The following PPM1L variants were observed in gnomAD, a reference collection of about 807,000 sequenced individuals.
PPM1L encodes the protein protein phosphatase, Mg2+/Mn2+ dependent 1L.
Under a neutral mutation model 31.4 loss-of-function variants are expected in PPM1L, and 13 were observed. The ratio of observed to expected loss-of-function variants is 0.41; its 90% CI spans 0.27 to 0.66. The LOEUF (loss-of-function observed/expected upper bound fraction) is 0.66. Ranked by LOEUF, PPM1L falls within the 30% of genes least tolerant of loss-of-function variation. PPM1L has a pLI of 0.29. For missense variants in PPM1L, 326 were observed against 453.7 expected (o/e 0.72, Z 2.56); for synonymous variants, 184 against 175.4 (o/e 1.05, Z -0.39).
intron 1 of PPM1L, among the ~76,000 whole-genome samples, chr3:160,807,450 C>T (rs968884857): frequency 1.3e-5 from 2 of 152,188 alleles, no homozygotes; most frequent in African/African-American, 2.4e-5. Flanking sequence ...ATTTTTCAGG[C>T]GCCCTACAAA....
chr3:160,855,878 A>G (rs1204824205), intron 1 of PPM1L, among the ~76,000 whole-genome samples: 1 of 152,100 alleles, frequency 6.6e-6, no homozygotes, highest in Non-Finnish European at 1.5e-5. Context: ...AGGGTTCTCT[A>G]GAGGGACAGA....
intron 2 of PPM1L, among the ~76,000 whole-genome samples, chr3:160,989,347 A>G (rs1351730903): frequency 6.6e-6 from 1 of 151,950 alleles, no homozygotes; most frequent in Non-Finnish European, 1.5e-5. Context: ...TACAGAACCA[A>G]CCAGCACTTT....
chr3:160,846,576 T>G (rs1472754800), intron 1 of PPM1L, among the ~76,000 whole-genome samples: 1 of 152,148 alleles, frequency 6.6e-6, no homozygotes, highest in East Asian at 1.9e-4. Context: ...AGTACAACAG[T>G]GTCCTGTTAT....
intron 1 of PPM1L, among the ~76,000 whole-genome samples, chr3:160,888,488 A>G (rs1051922357): frequency 7.2e-5 from 11 of 152,248 alleles, no homozygotes; most frequent in South Asian, 4.1e-4. Context: ...TAACTATCCA[A>G]ATCATATATG....
intron 1 of PPM1L, among the ~76,000 whole-genome samples, chr3:160,860,214 A>G (rs1304355874): frequency 6.6e-6 from 1 of 152,208 alleles, no homozygotes; most frequent in Non-Finnish European, 1.5e-5. Flanking sequence ...AGCAAGTTTT[A>G]GTCACCACGT....
chr3:160,932,662 A>G (rs1375094071), intron 1 of PPM1L, among the ~76,000 whole-genome samples: 1 of 152,192 alleles, frequency 6.6e-6, no homozygotes, highest in Non-Finnish European at 1.5e-5. Flanking sequence ...ATTTTCCCCA[A>G]GTTCATTTAT....
At chr3:160,997,571 T>C (rs1003008100) in intron 2 of PPM1L, among the ~76,000 whole-genome samples, 2 of 152,192 alleles carry the variant, frequency 1.3e-5, no homozygotes, top group African/African-American at 4.8e-5. Flanking sequence ...ATTTTGGCAG[T>C]TCCAAGAAGT....
intron 2 of PPM1L, among the ~76,000 whole-genome samples, chr3:160,970,863 C>T (rs1716315229): frequency 7.1e-6 from 1 of 140,430 alleles, no homozygotes; most frequent in Admixed American, 7.5e-5. Flanking sequence ...AATCTCGGCT[C>T]ACTGCAGGCT....
intron 1 of PPM1L, among the ~76,000 whole-genome samples, chr3:160,824,171 T>A (rs1209361308): frequency 6.6e-6 from 1 of 152,062 alleles, no homozygotes; most frequent in African/African-American, 2.4e-5. Context: ...ATGGGATTAG[T>A]GTGCCCTTCC....
chr3:160,985,340 A>G (rs373099334), intron 2 of PPM1L, among the ~76,000 whole-genome samples: 14 of 152,192 alleles, frequency 9.2e-5, no homozygotes, highest in African/African-American at 3.4e-4. Flanking sequence ...ACTTTAGAGC[A>G]AAATTTTAAA....
chr3:160,791,649 G>A (rs1286026211), intron 1 of PPM1L, among the ~76,000 whole-genome samples: 1 of 152,154 alleles, frequency 6.6e-6, no homozygotes, highest in Non-Finnish European at 1.5e-5. Context: ...TGGATAGGAA[G>A]AGAGAATAAA....
chr3:160,887,298 C>G (rs202207344), intron 1 of PPM1L, among the ~76,000 whole-genome samples: 1 of 152,002 alleles, frequency 6.6e-6, no homozygotes, highest in East Asian at 1.9e-4. Context: ...CAGGATACAT[C>G]CAGGAGAACT....
intron 1 of PPM1L, among the ~76,000 whole-genome samples, chr3:160,849,007 C>T (rs1008285568): frequency 8.5e-5 from 13 of 152,078 alleles, no homozygotes; most frequent in Admixed American, 5.2e-4. Flanking sequence ...CCAGTACTAC[C>T]GCAGGGTGGA....
At chr3:160,890,341 C>A (rs902146811) in intron 1 of PPM1L, among the ~76,000 whole-genome samples, 1 of 152,110 alleles carries the variant, frequency 6.6e-6, no homozygotes, top group Non-Finnish European at 1.5e-5. Context: ...TGCCTTTACA[C>A]CAACAATAGA....
At chr3:160,892,233 A>G (rs1003944816) in intron 1 of PPM1L, among the ~76,000 whole-genome samples, 8 of 152,226 alleles carry the variant, frequency 5.3e-5, no homozygotes, top group East Asian at 1.9e-4. Flanking sequence ...TGGTGCTGGC[A>G]TCTGCTTGGC....
At chr3:161,053,223 A>C (rs961300764) in intron 2 of PPM1L, among the ~76,000 whole-genome samples, 4 of 152,248 alleles carry the variant, frequency 2.6e-5, no homozygotes, top group African/African-American at 9.6e-5. Context: ...TAATTTCAGT[A>C]GCATTGTATA....
chr3:161,003,215 A>C (rs1303169024), intron 2 of PPM1L, among the ~76,000 whole-genome samples: 2 of 151,412 alleles, frequency 1.3e-5, no homozygotes, highest in African/African-American at 2.4e-5. Flanking sequence ...TTTTGGTACC[A>C]GTACCATGCT....
At chr3:161,027,522 G>A (rs924252052) in intron 2 of PPM1L, among the ~76,000 whole-genome samples, 3 of 152,178 alleles carry the variant, frequency 2.0e-5, no homozygotes, top group Admixed American at 6.5e-5. Context: ...GAGAGAACTT[G>A]TATAGGGAAA....
At chr3:160,841,607 C>A (rs1443979435) in intron 1 of PPM1L, among the ~76,000 whole-genome samples, 1 of 152,114 alleles carries the variant, frequency 6.6e-6, no homozygotes. Context: ...TCTTATAATT[C>A]TTTTCTTCCA....
Sources: gnomAD v4.1 joint callset for allele counts (sites outside exome capture counted in the v4.1 genomes callset) on GRCh38, gnomAD v4.1.1 for gene constraint, MANE v1.5 for transcripts, NCBI Gene and HGNC (gene_info 2026-07-23, HGNC 2026-07-21) for gene names.